Variants in PAMR1 observed in about 807,000 individuals in gnomAD.
The protein encoded by PAMR1 is inactive serine protease PAMR1.
A neutral mutation model predicts 81.8 loss-of-function variants in PAMR1; 88 were observed. The observed-to-expected ratio is 1.08, with a 90% confidence interval of 0.91 to 1.28. The LOEUF is 1.28. Ranked by LOEUF, PAMR1 falls within the 50% of genes most tolerant of loss-of-function variation. The pLI, the probability that PAMR1 is intolerant of heterozygous loss-of-function variation, is 0.00. For synonymous variants in PAMR1, 336 were observed against 345.3 expected (o/e 0.97, Z 0.30); for missense variants, 935 against 919.7 (o/e 1.02, Z -0.21).
intron 6 of PAMR1, among the ~76,000 whole-genome samples, chr11:35,452,792 G>A (rs1856445949): frequency 6.6e-6 from 1 of 151,988 alleles, no homozygotes; most frequent in Admixed American, 6.6e-5. Flanking sequence ...ATTTTTATGT[G>A]TTCCCATAGT....
intron 4 of PAMR1, among the ~76,000 whole-genome samples, chr11:35,474,123 C>G (rs776498138): frequency 2.6e-5 from 4 of 152,156 alleles, no homozygotes; most frequent in African/African-American, 9.7e-5. Context: ...ACAACATTTG[C>G]GAAGGCCCTA....
intron 3 of PAMR1, 38 bp downstream of exon 3, chr11:35,492,007 T>C (rs771084211): frequency 1.9e-6 from 3 of 1,568,154 alleles, no homozygotes; most frequent in Non-Finnish European, 2.6e-6. Context: ...TTTAAGACAG[T>C]GTGCACTAGA....
chr11:35,484,504 T>A (rs1590363225), intron 3 of PAMR1, among the ~76,000 whole-genome samples: 1 of 152,276 alleles, frequency 6.6e-6, no homozygotes, highest in Non-Finnish European at 1.5e-5. Flanking sequence ...TTGTAAGCCT[T>A]CTCCCCACTC....
Position 35,436,142 on chromosome 11 carries a change from C to A in PAMR1, c.1101-7G>T. ...CTGGTGTAATGGTGTCTCCCTGGGT[C>A]AGGAAACATGGGCCCAGAGAAAGAG... On this transcript the variant is annotated splice_region_variant and splice_polypyrimidine_tract_variant and intron_variant, in intron 8 of 10. Transcript: ENST00000619888. 1 of 1,595,708 alleles carries A rather than the reference C, an allele frequency of 6.3e-7. No homozygotes were observed. Among genetic ancestry groups the A allele is most frequent in the South Asian group, 1.1e-5 (1 of 90,672 alleles).
At chr11:35,496,463 G>A (rs1850727979) in intron 1 of PAMR1, among the ~76,000 whole-genome samples, 1 of 152,120 alleles carries the variant, frequency 6.6e-6, no homozygotes, top group Non-Finnish European at 1.5e-5. Flanking sequence ...GACTTGAATA[G>A]ACATTTCTCC....
At position 35,494,251 on chromosome 11, in the gene PAMR1, G is replaced by A. The variant is rs779554679; in HGVS notation, c.95C>T (p.Ala32Val). ...GATATTCCACTCTGCTCCAGGGCAG[G>A]CTTCATTAATGACTGTGTACTCTGA... ...LPREYTVINE[A>V]CPGAEWNIMC... Residue 32 changes from alanine to valine, a missense_variant, in exon 2 of 11, where the codon GCC (alanine) becomes GTC (valine). Coordinates refer to ENST00000619888, the MANE Select transcript of PAMR1 (RefSeq NM_001001991.3). 1.2e-6 allele frequency: 2 copies of A among 1,613,958 alleles called. No homozygotes were observed. Among genetic ancestry groups the A allele is most frequent in the East Asian group, 2.2e-5 (1 of 44,898 alleles).
At chr11:35,468,140 T>C (rs1565339349) in intron 5 of PAMR1, 32 bp from the exon 6 acceptor site, 1 of 1,363,910 alleles carries the variant, frequency 7.3e-7, no homozygotes, top group Non-Finnish European at 1.0e-6. Flanking sequence ...TCAGTGCCAC[T>C]ATACATTGAG....
intron 6 of PAMR1, among the ~76,000 whole-genome samples, chr11:35,447,481 G>A (rs1171012548): frequency 1.3e-5 from 2 of 152,186 alleles, no homozygotes; most frequent in Non-Finnish European, 2.9e-5. Flanking sequence ...GGGGTTACAG[G>A]CGTGAGCCAT....
chr11:35,438,025 C>T (rs1457431946), intron 8 of PAMR1, among the ~76,000 whole-genome samples: 1 of 152,204 alleles, frequency 6.6e-6, no homozygotes, highest in Non-Finnish European at 1.5e-5. Flanking sequence ...ATTTCAGTCA[C>T]CGGAATTCAC....
chr11:35,435,549 A>G (rs541845257), intron 9 of PAMR1, among the ~76,000 whole-genome samples: 1 of 152,214 alleles, frequency 6.6e-6, no homozygotes, highest in East Asian at 1.9e-4. Flanking sequence ...AATTAGTATC[A>G]CTGGGTGATG....
At chr11:35,501,361 G>A (rs1007397461) in intron 1 of PAMR1, among the ~76,000 whole-genome samples, 5 of 151,610 alleles carry the variant, frequency 3.3e-5, no homozygotes, top group Admixed American at 6.6e-5. Flanking sequence ...TTGAACTCCC[G>A]GGCTCAAGTA....
At position 35,432,533 on chromosome 11, in the gene PAMR1, A is replaced by G; in HGVS notation, c.1986T>C (p.Thr662=). The change falls in exon 11 of 11, where the codon ACT becomes ACC. Residue 662 remains threonine (T), a synonymous_variant. Coordinates refer to ENST00000619888, the MANE Select transcript of PAMR1 (RefSeq NM_001001991.3). The part of the protein sequence containing the change: ...WEPTAPSDIC[T]AETGGIAAVS... ...CAGCCGCGATGCCTCCTGTCTCTGC[A>G]GTGCAGATATCAGAAGGGGCAGTGG... 1 of 1,614,238 alleles carries G rather than the reference A, an allele frequency of 6.2e-7. No homozygotes were observed.
chr11:35,439,763 T>C (rs1236882840), intron 7 of PAMR1, 70 bp from the exon 8 acceptor site: 2 of 1,338,442 alleles, frequency 1.5e-6, no homozygotes, highest in East Asian at 4.6e-5. Context: ...CAGTTCAGAT[T>C]CATACCTGAC....
At position 35,432,252 on chromosome 11, in the gene PAMR1, A is replaced by G. The variant is rs1855922440; in HGVS notation, c.*104T>C. On this transcript the variant is annotated 3_prime_UTR_variant, in exon 11 of 11. Coordinates refer to ENST00000619888, the MANE Select transcript of PAMR1 (RefSeq NM_001001991.3). ...TGAAGTCAGAAGCCCTGGCACAGCCAAGTTCACAGGCCAAATCACACTTCA... is the reference window on the plus strand; with the variant it reads ...TGAAGTCAGAAGCCCTGGCACAGCCGAGTTCACAGGCCAAATCACACTTCA... 2.7e-6 allele frequency: 3 copies of G among 1,126,452 alleles called. No homozygotes were observed. The African/African-American group carries it at 4.6e-5, about 17-fold the overall frequency. The allele number at this position is 1,126,452 out of a possible 1,614,324, so 69.8% of individuals were successfully genotyped here. A position where few individuals can be genotyped will look rare whatever the true frequency, so the allele number is the denominator to read the frequency against.
In PAMR1 at chr11:35,492,123, C is replaced by G. The variant is rs201179105; in HGVS notation, c.301G>C (p.Gly101Arg). Residue 101 changes from glycine to arginine, a missense_variant, in exon 3 of 11, where the codon GGT becomes CGT. Coordinates refer to ENST00000619888, the MANE Select transcript of PAMR1 (RefSeq NM_001001991.3). ...CKSCRNGSWGGTLDDFYVKGF... is the reference protein window; with the variant it reads ...CKSCRNGSWGRTLDDFYVKGF... The stretch of plus-strand genomic sequence containing the variant: ...TTCACATAGAAGTCATCCAAGGTAC[C>G]CCCCCATGAGCCATTTCGGCAGCTC... 27 of 1,613,946 alleles carry G rather than the reference C, an allele frequency of 1.7e-5. 1 individual carries two copies. Among genetic ancestry groups the G allele is most frequent in the South Asian group, 1.2e-4 (11 of 91,060 alleles).
intron 1 of PAMR1, among the ~76,000 whole-genome samples, chr11:35,501,768 T>C (rs1303349658): frequency 6.6e-6 from 1 of 152,170 alleles, no homozygotes; most frequent in Non-Finnish European, 1.5e-5. Context: ...AGGATTTCAT[T>C]CTTTCGTATA....
At chr11:35,522,458 T>G (rs1851303501) in intron 1 of PAMR1, among the ~76,000 whole-genome samples, 1 of 152,234 alleles carries the variant, frequency 6.6e-6, no homozygotes, top group Admixed American at 6.5e-5. Context: ...AACATTTGTC[T>G]TTTTGTGTCT....
At chr11:35,456,025 G>A (rs1045142443) in intron 6 of PAMR1, among the ~76,000 whole-genome samples, 1 of 152,138 alleles carries the variant, frequency 6.6e-6, no homozygotes, top group African/African-American at 2.4e-5. Flanking sequence ...AGTACTTGAA[G>A]GGATGTCACT....
At chr11:35,442,678 C>T (rs1226758881) in intron 6 of PAMR1, among the ~76,000 whole-genome samples, 3 of 151,896 alleles carry the variant, frequency 2.0e-5, no homozygotes, top group African/African-American at 7.3e-5. Flanking sequence ...GTGGCGCAAT[C>T]TTGGCTCACT....
Sources: allele counts gnomAD v4.1 joint callset (sites outside exome capture counted in the v4.1 genomes callset), GRCh38; gene constraint gnomAD v4.1.1; transcripts MANE v1.5; gene names NCBI Gene and HGNC (gene_info 2026-07-23, HGNC 2026-07-21).